Variants in SPECC1 observed in about 807,000 individuals in gnomAD.
SPECC1 encodes cytospin-B.
In SPECC1, 62 loss-of-function variants were observed where a neutral mutation model predicts 104.1. That is an observed-to-expected ratio of 0.60 (90% CI 0.49 to 0.74). The LOEUF is 0.74. Among genes scored for constraint, SPECC1 ranks in the 30% least tolerant of loss-of-function variants. The pLI is 0.00. For missense variants in SPECC1, 1,306 were observed against 1,310.5 expected (o/e 1.00, Z 0.05); for synonymous variants, 513 against 501.6 (o/e 1.02, Z -0.30).
chr17:20,141,187 G>A (rs1567872860), intron 3 of SPECC1, among the ~76,000 whole-genome samples: 1 of 152,318 alleles, frequency 6.6e-6, no homozygotes, highest in Admixed American at 6.5e-5. Context: ...AACAGGGCAT[G>A]CTTTTTCCTT....
chr17:20,222,820 TG>T (rs1414227944), intron 4 of SPECC1, among the ~76,000 whole-genome samples: 1 of 152,226 alleles, frequency 6.6e-6, no homozygotes, highest in Non-Finnish European at 1.5e-5. Context: ...TCTTAGGTTT[TG>T]TTTGTCTGGG....
chr17:20,276,060 T>G (rs2040564207), intron 12 of SPECC1, among the ~76,000 whole-genome samples: 1 of 152,216 alleles, frequency 6.6e-6, no homozygotes, highest in Admixed American at 6.5e-5. Context: ...TTCTGTGCAT[T>G]TTATGTTTTG....
intron 1 of SPECC1, among the ~76,000 whole-genome samples, chr17:20,082,218 C>CCT (rs2047002298): frequency 6.6e-6 from 1 of 152,192 alleles, no homozygotes; most frequent in Admixed American, 6.5e-5. Flanking sequence ...ATGTCAACCT[C>CCT]CTACCCATCC....
At chr17:20,062,833 T>C (rs1359315590) in intron 1 of SPECC1, among the ~76,000 whole-genome samples, 2 of 151,852 alleles carry the variant, frequency 1.3e-5, no homozygotes, top group African/African-American at 2.4e-5. Flanking sequence ...GGATTACAGG[T>C]GCACGCTACC....
chr17:20,249,666 A>G (rs898758595), intron 9 of SPECC1, among the ~76,000 whole-genome samples: 1 of 152,232 alleles, frequency 6.6e-6, no homozygotes, highest in Non-Finnish European at 1.5e-5. Context: ...TAAAAATAAA[A>G]TACCTGAATT....
At chr17:20,052,239 C>T (rs934596656) in intron 1 of SPECC1, among the ~76,000 whole-genome samples, 2 of 152,096 alleles carry the variant, frequency 1.3e-5, no homozygotes, top group Non-Finnish European at 2.9e-5. Flanking sequence ...CAAATGTCAC[C>T]ATAGTGACTG....
At chr17:20,311,949 G>A (rs1389785958) in intron 14 of SPECC1, among the ~76,000 whole-genome samples, 3 of 152,096 alleles carry the variant, frequency 2.0e-5, no homozygotes, top group Non-Finnish European at 2.9e-5. Context: ...TTAATGTGAC[G>A]AATTACATCA....
At chr17:20,163,818 C>T (rs1158664977) in intron 3 of SPECC1, among the ~76,000 whole-genome samples, 1 of 152,138 alleles carries the variant, frequency 6.6e-6, no homozygotes, top group African/African-American at 2.4e-5. Context: ...ACCTTGGCCT[C>T]CCAAAGTGCT....
In SPECC1 at chr17:20,156,143, G is replaced by T. The variant is rs988744728; in HGVS notation, c.283+45581G>T. 43 of 1,415,054 alleles carry T rather than the reference G, an allele frequency of 3.0e-5. 1 individual carries two copies. The highest frequency in any genetic ancestry group is 2.4e-4 in the Middle Eastern group (1 of 4,116). The allele number at this position is 1,415,054 out of a possible 1,614,324, so 87.7% of individuals were successfully genotyped here. ...GCCGGAGCCAGCGCGAGCTCGGCAC[G>T]GTGGACACCCGGTCCGAGGCCGGCA... On this transcript the variant is annotated intron_variant, in intron 3 of 14. Coordinates refer to ENST00000395527, the MANE Select transcript of SPECC1 (RefSeq NM_001243439.2).
At chr17:20,209,320 G>C (rs2036984461) in intron 4 of SPECC1, among the ~76,000 whole-genome samples, 1 of 152,090 alleles carries the variant, frequency 6.6e-6, no homozygotes, top group Admixed American at 6.6e-5. Flanking sequence ...TATTAAAAAG[G>C]ATACAATAAG....
chr17:20,238,294 T>C (rs1418679576), intron 7 of SPECC1: 1 of 1,040,362 alleles, frequency 9.6e-7, no homozygotes, highest in African/African-American at 1.7e-5. Flanking sequence ...CCCAGAAACT[T>C]AGTGTTCAAA....
intron 1 of SPECC1, among the ~76,000 whole-genome samples, chr17:20,074,275 A>G (rs1567825537): frequency 6.6e-6 from 1 of 152,178 alleles, no homozygotes; most frequent in African/African-American, 2.4e-5. Context: ...TCTGGGCAAT[A>G]CATACATTGT....
In SPECC1 at chr17:20,128,562, A is replaced by G. The variant is rs545949217; in HGVS notation, c.283+18000A>G. On this transcript the variant is annotated intron_variant, in intron 3 of 14. Transcript: ENST00000395527. Reference sequence around the variant, plus strand: ...TTATTCACAATATTCTGATATAATTAAATATTCTAGTAAAGGAGATCAAGT... The same window carrying G: ...TTATTCACAATATTCTGATATAATTGAATATTCTAGTAAAGGAGATCAAGT... Among the ~76,000 whole-genome samples, 5 of 152,312 alleles carry G rather than the reference A, an allele frequency of 3.3e-5. No individual in the cohort carries two copies. The East Asian group carries it at 7.7e-4, about 24-fold the overall frequency.
At chr17:20,022,123 A>G (rs934440335) in intron 1 of SPECC1, among the ~76,000 whole-genome samples, 6 of 150,398 alleles carry the variant, frequency 4.0e-5, no homozygotes, top group Non-Finnish European at 7.4e-5. Context: ...TTGTGTTTTC[A>G]GTAGAGACGG....
At chr17:20,106,218 C>G (rs1409409013) in intron 2 of SPECC1, among the ~76,000 whole-genome samples, 3 of 152,068 alleles carry the variant, frequency 2.0e-5, no homozygotes, top group Non-Finnish European at 2.9e-5. Context: ...CAGGGAGGCA[C>G]CTGAGTGTGC....
intron 12 of SPECC1, among the ~76,000 whole-genome samples, chr17:20,287,184 G>A (rs1473587615): frequency 1.3e-5 from 2 of 152,180 alleles, no homozygotes; most frequent in African/African-American, 2.4e-5. Context: ...TTGGGAGGCC[G>A]AGGCGGGTGG....
intron 12 of SPECC1, among the ~76,000 whole-genome samples, chr17:20,281,367 C>T (rs2040765658): frequency 6.6e-6 from 1 of 152,170 alleles, no homozygotes; most frequent in African/African-American, 2.4e-5. Context: ...TCGCCCTTTC[C>T]TGAAGCCCCA....
At chr17:20,014,072 A>C (rs1331904915) in intron 1 of SPECC1, among the ~76,000 whole-genome samples, 2 of 152,194 alleles carry the variant, frequency 1.3e-5, no homozygotes, top group African/African-American at 4.8e-5. Context: ...GGTTGCACCA[A>C]CTTATTTACC....
At chr17:20,062,828 A>G (rs2046234858) in intron 1 of SPECC1, among the ~76,000 whole-genome samples, 1 of 152,058 alleles carries the variant, frequency 6.6e-6, no homozygotes, top group East Asian at 1.9e-4. Flanking sequence ...AGCAAGGATT[A>G]CAGGTGCACG....
Sources: gnomAD v4.1 joint callset for allele counts (sites outside exome capture counted in the v4.1 genomes callset) on GRCh38, gnomAD v4.1.1 for gene constraint, MANE v1.5 for transcripts, NCBI Gene and HGNC (gene_info 2026-07-23, HGNC 2026-07-21) for gene names.